The following PHLDA1 variants were observed in gnomAD, a reference collection of about 807,000 sequenced individuals.
PHLDA1 encodes pleckstrin homology-like domain family A member 1.
A neutral mutation model predicts 33.8 loss-of-function variants in PHLDA1; 28 were observed. The observed-to-expected ratio is 0.83, with a 90% confidence interval of 0.61 to 1.14. The LOEUF is 1.14. Among genes scored for constraint, PHLDA1 ranks in the 50% most tolerant of loss-of-function variants. The pLI, the probability that PHLDA1 is intolerant of heterozygous loss-of-function variation, is 0.00. For missense variants in PHLDA1, 595 were observed against 548.6 expected, an observed-to-expected ratio of 1.08 and a Z score of -0.84; for synonymous variants, 271 against 243.6, an observed-to-expected ratio of 1.11 and a Z score of -1.05.
At chr12:76,026,588 C>A (rs1325956198) in exon 2 of PHLDA1, 1 of 151,370 alleles carries the variant, frequency 6.6e-6, no homozygotes, top group Non-Finnish European at 1.5e-5. Context: ...TTAAGTAATG[C>A]GTAGTTTTTA....
chr12:76,030,403 T>G, intron 1 of PHLDA1, 107 bp downstream of exon 1: 1 of 825,412 alleles, frequency 1.2e-6, no homozygotes, highest in Non-Finnish European at 1.9e-6. Context: ...TTGGTATGAG[T>G]TTTGATTTCT....
At position 76,031,700 on chromosome 12, in the gene PHLDA1, G is replaced by A; in HGVS notation, c.42C>T (p.Gly14=). 3 of 1,433,914 alleles carry A rather than the reference G, an allele frequency of 2.1e-6. No individual in the cohort carries two copies. Among genetic ancestry groups the A allele is most frequent in the Non-Finnish European group, 2.7e-6 (3 of 1,091,088 alleles). 88.8% of individuals were successfully genotyped at this position (1,433,914 alleles called of 1,614,324 possible). A position where few individuals can be genotyped will look rare whatever the true frequency, so the allele number is the denominator to read the frequency against. ...CCTGGCGCCCGCACCGCGGGGGAAA[G>A]CCCAGCTCCAAGAGGCGCTCGGCAG... The change falls in exon 1 of 2, where the codon GGC becomes GGT. Residue 14 remains glycine (G), a synonymous_variant. Coordinates refer to ENST00000266671, the Ensembl canonical transcript of PHLDA1. This position sits in a 1 kb window ranked among gnomAD's most constrained non-coding sequence, Gnocchi z 5.4.
chr12:76,029,540 A>ACTATATGTTT (rs1300038582), exon 2 of PHLDA1: 2 of 152,432 alleles, frequency 1.3e-5, no homozygotes, highest in Non-Finnish European at 2.9e-5. Context: ...GTTTAAGCAA[A>ACTATATGTTT]AACAAAAATA....
chr12:76,031,438 C>T lies in PHLDA1; in HGVS notation c.304G>A (p.Ala102Thr), dbSNP rs1242814007. Residue 102 changes from alanine to threonine, a missense_variant, in exon 1 of 2, where the codon GCA becomes ACA. Ala to Thr is a moderately conservative substitution (Grantham distance 58). This residue lies in a region of PHLDA1 where 263 missense variants were observed against 232.3 expected (regional missense o/e 1.13). Transcript: ENST00000266671. The surrounding 1 kb of genome is among the most constrained non-coding windows in gnomAD (Gnocchi z 5.4). ...CCCCAGCGGCTCCCACGGCCGCCTG[C>T]CCGGAGCGCGCAGAGGAGGCTAACA... 1.9e-6 allele frequency: 3 copies of T among 1,542,280 alleles called. No homozygotes were observed. In the East Asian group the frequency reaches 7.2e-5, roughly 37 times the overall value.
In PHLDA1 at chr12:76,031,429, GGCCGCCT is replaced by G. The variant is rs1870907430; in HGVS notation, c.306_312del (p.Gly103ValfsTer47). ...CCGTCCTCGCCCCAGCGGCTCCCAC[GGCCGCCT>G]GCCCGGAGCGCGCAGAGGAGGCTAA... On this transcript the variant is annotated frameshift_variant, in exon 1 of 2. Coordinates refer to ENST00000266671, the Ensembl canonical transcript of PHLDA1. LOFTEE classifies it high-confidence loss of function. This position sits in a 1 kb window ranked among gnomAD's most constrained non-coding sequence, Gnocchi z 5.4. The G allele has an allele frequency of 6.5e-7, 1 of 1,548,980 alleles. No individual in the cohort carries two copies. The highest frequency in any genetic ancestry group is 8.7e-7 in the Non-Finnish European group (1 of 1,149,328).
At chr12:76,027,867 C>T (rs1020001500) in exon 2 of PHLDA1, 5 of 151,662 alleles carry the variant, frequency 3.3e-5, no homozygotes, top group Non-Finnish European at 5.9e-5. Context: ...GGAGCCTAGG[C>T]GCATCTTTTT....
In PHLDA1 at chr12:76,030,495, G is replaced by A. The variant is rs1478473217; in HGVS notation, c.*26+15C>T. 1 of 1,596,118 alleles carries A rather than the reference G, an allele frequency of 6.3e-7. No individual in the cohort carries two copies. Among genetic ancestry groups the A allele is most frequent in the Admixed American group, 1.7e-5 (1 of 59,496 alleles). ...CGAGACCCACTCCTCGGGAGCGCGAGTGCCGGGACCTTACCTTGTCTTGCC... is the reference window on the plus strand; with the variant it reads ...CGAGACCCACTCCTCGGGAGCGCGAATGCCGGGACCTTACCTTGTCTTGCC... On this transcript the variant is annotated intron_variant, in intron 1 of 1. Transcript: ENST00000266671.
chr12:76,030,707 G>A (rs775219133), exon 1 of PHLDA1: 1 of 1,163,670 alleles, frequency 8.6e-7, no homozygotes, highest in Non-Finnish European at 1.3e-6. Context: ...GGAGCTGCTG[G>A]GGCTGAGGCT....
Position 76,030,745 on chromosome 12 carries a change from AT to A in PHLDA1, c.996del (p.Gln332HisfsTer125). 1 of 1,260,428 alleles carries A rather than the reference AT, an allele frequency of 7.9e-7. No homozygotes were observed. Among genetic ancestry groups the A allele is most frequent in the Non-Finnish European group, 1.1e-6 (1 of 888,886 alleles). 78.1% of individuals were successfully genotyped at this position (1,260,428 alleles called of 1,614,324 possible). A position where few individuals can be genotyped will look rare whatever the true frequency, so the allele number is the denominator to read the frequency against. Reference sequence around the variant, plus strand: ...GGTTGGGGCTGAGGCTGGGGTTGTGATTGGGGCTGGGGTTGCGGCTGAGGCT... The same window carrying A: ...GGTTGGGGCTGAGGCTGGGGTTGTGATGGGGCTGGGGTTGCGGCTGAGGCT... On this transcript the variant is annotated frameshift_variant, in exon 1 of 2. Coordinates refer to ENST00000266671, the Ensembl canonical transcript of PHLDA1. LOFTEE classifies it high-confidence loss of function.
In PHLDA1 at chr12:76,031,449, C is replaced by CT; in HGVS notation, c.292_293insA (p.Cys98Ter). Reference sequence around the variant, plus strand: ...CCCACGGCCGCCTGCCCGGAGCGCGCAGAGGAGGCTAACACGCAGGAGGCA... The same window carrying CT: ...CCCACGGCCGCCTGCCCGGAGCGCGCTAGAGGAGGCTAACACGCAGGAGGCA... The change falls in exon 1 of 2, where the codon TGC (cysteine) becomes TAGC (stop). Residue 98 changes from cysteine (C) to a stop codon, truncating the protein, a stop_gained and frameshift_variant. Transcript: ENST00000266671. LOFTEE classifies it high-confidence loss of function. This position sits in a 1 kb window ranked among gnomAD's most constrained non-coding sequence, Gnocchi z 5.4. The CT allele has an allele frequency of 6.5e-7, 1 of 1,541,070 alleles. No individual in the cohort carries two copies. Among genetic ancestry groups the CT allele is most frequent in the South Asian group, 1.2e-5 (1 of 82,734 alleles).
chr12:76,031,137 T>C lies in PHLDA1; in HGVS notation c.605A>G (p.Gln202Arg), dbSNP rs1236824188. ...GGCCGGCCCCTGCCCGGGCTGTTGTTGCTGCTGCTGCTGCTGCTGTTGCTG... is the reference window on the plus strand; with the variant it reads ...GGCCGGCCCCTGCCCGGGCTGTTGTCGCTGCTGCTGCTGCTGCTGTTGCTG... The change falls in exon 1 of 2, where the codon CAA (glutamine) becomes CGA (arginine). Residue 202 changes from glutamine (Q) to arginine (R), a missense_variant. Gln to Arg is a conservative substitution (Grantham distance 43). Coordinates refer to ENST00000266671, the Ensembl canonical transcript of PHLDA1. The surrounding 1 kb of genome is among the most constrained non-coding windows in gnomAD (Gnocchi z 5.4). The C allele has an allele frequency of 1.3e-6, 2 of 1,487,758 alleles. No homozygotes were observed. Among genetic ancestry groups the C allele is most frequent in the South Asian group, 2.3e-5 (2 of 86,796 alleles). The allele number at this position is 1,487,758 out of a possible 1,614,324, so 92.2% of individuals were successfully genotyped here.
At chr12:76,028,120 A>C (rs1269706072) in exon 2 of PHLDA1, 2 of 152,178 alleles carry the variant, frequency 1.3e-5, no homozygotes, top group Non-Finnish European at 2.9e-5. Flanking sequence ...AGTTCTAAGG[A>C]AGCTGAACCA....
Position 76,031,774 on chromosome 12 carries a change from C to T in PHLDA1, c.-33G>A. ...GGGCCTTTCCAAAGCCCGCTGCGTC[C>T]ACGCCCTCCAGCGTCTCTTGCTCCG... On this transcript the variant is annotated 5_prime_UTR_variant, in exon 1 of 2. Coordinates refer to ENST00000266671, the Ensembl canonical transcript of PHLDA1. The surrounding 1 kb of genome is among the most constrained non-coding windows in gnomAD (Gnocchi z 5.4). The T allele has an allele frequency of 7.5e-7, 1 of 1,340,202 alleles. No individual in the cohort carries two copies. The allele number at this position is 1,340,202 out of a possible 1,614,324, so 83.0% of individuals were successfully genotyped here.
chr12:76,028,011 T>C (rs1029560766), exon 2 of PHLDA1: 4 of 151,432 alleles, frequency 2.6e-5, no homozygotes, highest in African/African-American at 9.7e-5. Context: ...TAAAAAAAAA[T>C]CCTCCATTGG....
Position 76,031,710 on chromosome 12 carries a change from A to C in PHLDA1, c.32T>G (p.Leu11Trp). ...GCACCGCGGGGGAAAGCCCAGCTCC[A>C]AGAGGCGCTCGGCAGCCGGCGCACG... Residue 11 changes from leucine (L) to tryptophan (W), a missense_variant, in exon 1 of 2, where the codon TTG becomes TGG. Leu to Trp is a moderately conservative substitution (Grantham distance 61). This residue lies in a region of PHLDA1 where 263 missense variants were observed against 232.3 expected (regional missense o/e 1.13). Transcript: ENST00000266671. This position sits in a 1 kb window ranked among gnomAD's most constrained non-coding sequence, Gnocchi z 5.4. The C allele has an allele frequency of 2.1e-6, 3 of 1,409,494 alleles. No homozygotes were observed. Among genetic ancestry groups the C allele is most frequent in the Non-Finnish European group, 2.8e-6 (3 of 1,078,480 alleles). The allele number at this position is 1,409,494 out of a possible 1,614,324, so 87.3% of individuals were successfully genotyped here. A position where few individuals can be genotyped will look rare whatever the true frequency, so the allele number is the denominator to read the frequency against.
chr12:76,029,464 G>C (rs1870845067), exon 2 of PHLDA1: 1 of 152,164 alleles, frequency 6.6e-6, no homozygotes, highest in African/African-American at 2.4e-5. Context: ...ACTATCTTGA[G>C]TGTTAGATTT....
At position 76,031,232 on chromosome 12, in the gene PHLDA1, C is replaced by T. The variant is rs1415698017; in HGVS notation, c.510G>A (p.Lys170=). 1.9e-6 allele frequency: 3 copies of T among 1,613,804 alleles called. No individual in the cohort carries two copies. Among genetic ancestry groups the T allele is most frequent in the South Asian group, 1.1e-5 (1 of 91,048 alleles). Residue 170 remains lysine, a synonymous_variant, in exon 1 of 2, where the codon AAG becomes AAA. Coordinates refer to ENST00000266671, the Ensembl canonical transcript of PHLDA1. This position sits in a 1 kb window ranked among gnomAD's most constrained non-coding sequence, Gnocchi z 5.4. ...GCCCTTCCTCGGTGAGGATGCAACA[C>T]TTTTTCTTCCAGAGCTGCAACAACC...
exon 2 of PHLDA1, chr12:76,026,160 C>T (rs184178859): frequency 6.6e-6 from 1 of 152,152 alleles, no homozygotes; most frequent in African/African-American, 2.4e-5. Flanking sequence ...ATAATTTTCA[C>T]GTTTAAAATT....
exon 2 of PHLDA1, chr12:76,026,994 G>T (rs974029542): frequency 6.6e-6 from 1 of 152,196 alleles, no homozygotes; most frequent in African/African-American, 2.4e-5. Flanking sequence ...TGTGTATGAG[G>T]CTTGGTGCCA....
Sources: allele counts gnomAD v4.1 joint callset, GRCh38; gene constraint gnomAD v4.1.1; regional missense constraint gnomAD v4.1.1; non-coding constraint Gnocchi (gnomAD v3.1); transcripts MANE v1.5; gene names NCBI Gene and HGNC (gene_info 2026-07-23, HGNC 2026-07-21).